NDUFA10: variants seen among roughly 807,000 people sequenced by gnomAD.
NDUFA10 encodes NADH dehydrogenase [ubiquinone] 1 alpha subcomplex subunit 10, mitochondrial.
Under a neutral mutation model 47.8 loss-of-function variants are expected in NDUFA10, and 40 were observed. The observed-to-expected ratio is 0.84, with a 90% CI of 0.65 to 1.09. The LOEUF is 1.09. Ranked by LOEUF, NDUFA10 falls within the 50% of genes least tolerant of loss-of-function variation. The probability of loss-of-function intolerance (pLI) is 0.00; values close to 1 mark genes in which losing one functional copy is unlikely to be tolerated. For synonymous variants in NDUFA10, 183 were observed against 172.2 expected, an observed-to-expected ratio of 1.06 and a Z score of -0.49; for missense variants, 413 against 451.1, an observed-to-expected ratio of 0.92 and a Z score of 0.76.
intron 9 of NDUFA10, among the ~76,000 whole-genome samples, chr2:239,961,447 T>C (rs186216238): frequency 2.0e-5 from 3 of 152,226 alleles, no homozygotes; most frequent in East Asian, 3.9e-4. Context: ...AGTGTTCTCA[T>C]TAATGTCAGG....
In NDUFA10 at chr2:239,969,883, T is replaced by A. The variant is rs1338597114; in HGVS notation, c.1000-8697A>T. The A allele has an allele frequency of 9.6e-6, 4 of 416,438 alleles. No individual in the cohort carries two copies. The East Asian group carries it at 3.1e-4, about 32-fold the overall frequency. 25.8% of individuals were successfully genotyped at this position (416,438 alleles called of 1,614,324 possible). On this transcript the variant is annotated intron_variant, in intron 9 of 9. Transcript: ENST00000252711. ...CAGAAAGAAAAAGGCCAAAAACAAA[T>A]GGACAGAGTCACAGGGACCTGTGGA...
intron 9 of NDUFA10, 32 bp downstream of exon 9, chr2:239,990,042 C>G (rs774806560): frequency 2.6e-5 from 40 of 1,510,688 alleles, no homozygotes; most frequent in Non-Finnish European, 3.6e-5. Context: ...GACTCATCCA[C>G]TGGCCAGCTT....
In NDUFA10 at chr2:239,934,941, G is replaced by C. The variant is rs369971225; in HGVS notation, c.295-39627C>G. 6.6e-4 allele frequency among the ~76,000 whole-genome samples: 101 copies of C among 152,322 alleles called. 1 individual carries two copies. The South Asian group carries it at 0.019, about 28-fold the overall frequency. ...GGGGCCTAGGAGTGTAGTTGGTGCAGCTGCCGCGTGCCCACCAGCCTGGCC... is the reference window on the plus strand; with the variant it reads ...GGGGCCTAGGAGTGTAGTTGGTGCACCTGCCGCGTGCCCACCAGCCTGGCC... On this transcript the variant is annotated intron_variant, in intron 4 of 5. Coordinates refer to the NDUFA10 transcript ENST00000419408.
intron 4 of NDUFA10, chr2:239,943,007 G>C (rs1694385727): frequency 1.3e-5 from 2 of 154,528 alleles, no homozygotes; most frequent in African/African-American, 4.8e-5. Context: ...TCCTGCTTCT[G>C]GAATCCTGTG....
intron 4 of NDUFA10, among the ~76,000 whole-genome samples, chr2:239,915,289 C>T (rs867621714): frequency 7.3e-6 from 1 of 136,328 alleles, no homozygotes; most frequent in Non-Finnish European, 1.5e-5. Flanking sequence ...AATATACAGA[C>T]ACAGACAGAG....
At chr2:239,932,628 G>A (rs950626580) in intron 4 of NDUFA10, among the ~76,000 whole-genome samples, 12 of 151,788 alleles carry the variant, frequency 7.9e-5, no homozygotes, top group Admixed American at 3.9e-4. Flanking sequence ...CGCCCAGGCT[G>A]GAGTGCAGTG....
Position 239,960,644 on chromosome 2 carries a change from T to C in NDUFA10, c.*474A>G. On this transcript the variant is annotated 3_prime_UTR_variant, in exon 10 of 10. Transcript: ENST00000252711. ...CTCTTCAGCATAATGTAAGCCTCAA[T>C]TAAACCACACCACACCAAACAGGGC... 4 of 1,054,714 alleles carry C rather than the reference T, an allele frequency of 3.8e-6. No homozygotes were observed. In the South Asian group the frequency reaches 1.3e-4, roughly 35 times the overall value. 65.3% of individuals were successfully genotyped at this position (1,054,714 alleles called of 1,614,324 possible).
At chr2:239,919,522 GT>G (rs112176377) in intron 4 of NDUFA10, among the ~76,000 whole-genome samples, 34,010 of 151,944 alleles carry the variant, frequency 0.22, 5,267 homozygotes, top group African/African-American at 0.45. Flanking sequence ...AACGGGGTAA[GT>G]TGAAGGAATA....
rs977168386 is a variant in NDUFA10 at position 239,977,080 on chromosome 2, C to T, written c.999+12994G>A. ...CACAGGAAGAGCTGGGAAACCTTCCCCCGCCAAGCAGATCTCCCTAAACTC... is the reference window on the plus strand; with the variant it reads ...CACAGGAAGAGCTGGGAAACCTTCCTCCGCCAAGCAGATCTCCCTAAACTC... On this transcript the variant is annotated intron_variant, in intron 9 of 9. Transcript: ENST00000252711. Among the ~76,000 whole-genome samples, 4 of 152,134 alleles carry T rather than the reference C, an allele frequency of 2.6e-5. No homozygotes were observed. The East Asian group carries it at 7.7e-4, about 29-fold the overall frequency.
rs1196191049 is a variant in NDUFA10 at position 239,959,196 on chromosome 2, G to A, written c.*1922C>T. On this transcript the variant is annotated 3_prime_UTR_variant, in exon 10 of 10. Coordinates refer to ENST00000252711, the MANE Select transcript of NDUFA10 (RefSeq NM_004544.4). ...GGAATGCAACCACACAGGGTCAGAC[G>A]CAAACACAGGGGATGATCAGAGCAC... 20 of 979,590 alleles carry A rather than the reference G, an allele frequency of 2.0e-5. No individual in the cohort carries two copies. The highest frequency in any genetic ancestry group is 1.9e-4 in the South Asian group (4 of 20,936). The allele number at this position is 979,590 out of a possible 1,614,324, so 60.7% of individuals were successfully genotyped here. A position where few individuals can be genotyped will look rare whatever the true frequency, so the allele number is the denominator to read the frequency against.
downstream of NDUFA10, among the ~76,000 whole-genome samples, chr2:239,955,785 G>A (rs1326745144): frequency 6.6e-6 from 1 of 152,132 alleles, no homozygotes; most frequent in African/African-American, 2.4e-5. Context: ...CCAAACCCAC[G>A]GCCAGGGGAC....
intron 9 of NDUFA10, among the ~76,000 whole-genome samples, chr2:239,979,052 C>T (rs1695653289): frequency 1.3e-5 from 2 of 152,118 alleles, no homozygotes; most frequent in East Asian, 1.9e-4. Context: ...ACAGGGTGGG[C>T]GAGCCTCCCC....
intron 4 of NDUFA10, among the ~76,000 whole-genome samples, chr2:239,917,209 A>G (rs1441358019): frequency 6.6e-6 from 1 of 152,148 alleles, no homozygotes; most frequent in Non-Finnish European, 1.5e-5. Flanking sequence ...TAAAATTAAA[A>G]AGAGAAAGAA....
chr2:239,964,786 TGA>T (rs1694995032), intron 9 of NDUFA10, among the ~76,000 whole-genome samples: 1 of 152,202 alleles, frequency 6.6e-6, no homozygotes, highest in Admixed American at 6.5e-5. Context: ...GTTCCACATC[TGA>T]GAGGTGGTCC....
intron 9 of NDUFA10, among the ~76,000 whole-genome samples, chr2:239,962,595 G>C (rs989576670): frequency 6.6e-6 from 1 of 152,222 alleles, no homozygotes; most frequent in African/African-American, 2.4e-5. Flanking sequence ...TGGAAGTGGA[G>C]GGGCCGGTGC....
intron 6 of NDUFA10, among the ~76,000 whole-genome samples, chr2:240,010,536 G>A (rs980081650): frequency 1.3e-5 from 2 of 152,130 alleles, no homozygotes; most frequent in Admixed American, 6.5e-5. Flanking sequence ...GTTTATTCAC[G>A]TTGGCTCTAG....
intron 8 of NDUFA10, among the ~76,000 whole-genome samples, chr2:240,004,638 G>A (rs1428829879): frequency 6.6e-6 from 1 of 151,912 alleles, no homozygotes; most frequent in Non-Finnish European, 1.5e-5. Flanking sequence ...ATTCCGCTGT[G>A]GCCTCCCCTC....
intron 4 of NDUFA10, among the ~76,000 whole-genome samples, chr2:239,923,828 AT>A (rs1694026541): frequency 6.6e-6 from 1 of 152,138 alleles, no homozygotes; most frequent in African/African-American, 2.4e-5. Context: ...TTCCATGAAA[AT>A]ATCAATAAAA....
At chr2:239,927,983 C>T (rs1366096333) in intron 4 of NDUFA10, among the ~76,000 whole-genome samples, 4 of 152,176 alleles carry the variant, frequency 2.6e-5, no homozygotes, top group Admixed American at 2.6e-4. Flanking sequence ...TTTGCAATTT[C>T]TTGTGCATGT....
Sources: allele counts gnomAD v4.1 joint callset (sites outside exome capture counted in the v4.1 genomes callset), GRCh38; gene constraint gnomAD v4.1.1; transcripts MANE v1.5; gene names NCBI Gene and HGNC (gene_info 2026-07-23, HGNC 2026-07-21).